RABGAP1L: variants seen among roughly 807,000 people sequenced by gnomAD.
RABGAP1L encodes the protein rab GTPase-activating protein 1-like.
RABGAP1L carries 63 observed loss-of-function variants against 137.7 expected under a neutral mutation model. The ratio of observed to expected loss-of-function variants is 0.46; its 90% confidence interval spans 0.37 to 0.56. The LOEUF (loss-of-function observed/expected upper bound fraction) is 0.56, where lower values mean the gene tolerates loss of function less well. RABGAP1L is among the 20% of genes least tolerant of loss of function. The probability of loss-of-function intolerance (pLI) is 0.00; values close to 1 mark genes in which losing one functional copy is unlikely to be tolerated. For synonymous variants in RABGAP1L, 431 were observed against 433.7 expected (o/e 0.99, Z 0.08); for missense variants, 1,095 against 1,244.0 (o/e 0.88, Z 1.80).
Position 174,616,096 on chromosome 1 carries a change from C to T in RABGAP1L, c.1711-21279C>T, listed in dbSNP as rs980247820. The stretch of plus-strand genomic sequence containing the variant: ...GTGCGCTGCACCCACTGTCCTGTGC[C>T]CACTGTCTGGCACTCCCTAGTGCAT... On this transcript the variant is annotated intron_variant, in intron 13 of 25. Coordinates refer to ENST00000681986, the MANE Select transcript of RABGAP1L (RefSeq NM_001366446.1). Among the ~76,000 whole-genome samples the T allele has an allele frequency of 9.8e-5, 15 of 152,334 alleles. No homozygotes were observed. In the East Asian group the frequency reaches 2.9e-3, roughly 29 times the overall value.
chr1:174,948,127 A>C (rs529146299), intron 19 of RABGAP1L, among the ~76,000 whole-genome samples: 5 of 149,926 alleles, frequency 3.3e-5, no homozygotes, highest in African/African-American at 9.8e-5. Context: ...GTACTTGAAC[A>C]AAAAAAAAAT....
chr1:174,561,841 T>C (rs1049321861), intron 13 of RABGAP1L, among the ~76,000 whole-genome samples: 4 of 152,182 alleles, frequency 2.6e-5, no homozygotes, highest in Non-Finnish European at 4.4e-5. Context: ...TTACACCTTA[T>C]ACAAAAATTA....
At chr1:174,411,392 T>C (rs2149131021) in intron 13 of RABGAP1L, among the ~76,000 whole-genome samples, 1 of 152,270 alleles carries the variant, frequency 6.6e-6, no homozygotes, top group Non-Finnish European at 1.5e-5. Context: ...TCCTGTTATT[T>C]TGAGGTATGT....
At chr1:174,445,960 G>T (rs958575596) in intron 13 of RABGAP1L, among the ~76,000 whole-genome samples, 1 of 152,148 alleles carries the variant, frequency 6.6e-6, no homozygotes, top group Non-Finnish European at 1.5e-5. Flanking sequence ...AAGTCTATAA[G>T]CCTGCATGTG....
At chr1:174,165,494 CT>C (rs36050303) in intron 1 of RABGAP1L, among the ~76,000 whole-genome samples, 2,908 of 139,726 alleles carry the variant, frequency 0.021, 59 homozygotes, top group African/African-American at 0.054. Context: ...ATTTGAACTA[CT>C]TTTTTTTTTT....
intron 14 of RABGAP1L, among the ~76,000 whole-genome samples, chr1:174,683,059 T>G (rs61826958): frequency 5.9e-5 from 3 of 50,802 alleles, no homozygotes; most frequent in East Asian, 1.0e-3. Flanking sequence ...TCTAAAGGGG[T>G]TTTTTTTTTT....
At chr1:174,358,616 G>A (rs1330138220) in intron 11 of RABGAP1L, among the ~76,000 whole-genome samples, 4 of 152,278 alleles carry the variant, frequency 2.6e-5, no homozygotes, top group Non-Finnish European at 5.9e-5. Context: ...TCCTGGTTCT[G>A]TTTTACTTTG....
intron 17 of RABGAP1L, among the ~76,000 whole-genome samples, chr1:174,743,830 A>T (rs769130404): frequency 3.4e-4 from 52 of 152,074 alleles, no homozygotes; most frequent in Non-Finnish European, 6.6e-4. Context: ...CATTCATGTT[A>T]AACTTATCTC....
Position 174,768,658 on chromosome 1 carries a change from T to A in RABGAP1L, c.2211+16304T>A, listed in dbSNP as rs572236913. Among the ~76,000 whole-genome samples, 4 of 152,316 alleles carry A rather than the reference T, an allele frequency of 2.6e-5. No individual in the cohort carries two copies. The South Asian group carries it at 8.3e-4, about 32-fold the overall frequency. On this transcript the variant is annotated intron_variant, in intron 18 of 25. Transcript: ENST00000681986. The stretch of plus-strand genomic sequence containing the variant: ...AACACAAACCCTGGAATCATGCCAA[T>A]GTATAAAACCCTAAGTCAAGGGTCA...
chr1:174,200,247 G>A (rs1272460873), intron 1 of RABGAP1L, among the ~76,000 whole-genome samples: 1 of 152,216 alleles, frequency 6.6e-6, no homozygotes, highest in Non-Finnish European at 1.5e-5. Flanking sequence ...GAGTTCTTGT[G>A]TAGGTGTTAG....
At chr1:174,650,008 A>G (rs1675325568) in intron 14 of RABGAP1L, among the ~76,000 whole-genome samples, 1 of 152,170 alleles carries the variant, frequency 6.6e-6, no homozygotes, top group African/African-American at 2.4e-5. Flanking sequence ...GATACGTCCC[A>G]TCAATACCTA....
chr1:174,292,555 TA>T (rs1193343617), intron 10 of RABGAP1L, among the ~76,000 whole-genome samples: 2 of 152,082 alleles, frequency 1.3e-5, no homozygotes, highest in Admixed American at 1.3e-4. Context: ...CCAATATTTT[TA>T]GATTTTCCTT....
chr1:174,529,475 G>C (rs1004216538), intron 13 of RABGAP1L, among the ~76,000 whole-genome samples: 1 of 152,078 alleles, frequency 6.6e-6, no homozygotes. Context: ...GGTTGTGCTG[G>C]AGTTTTTATG....
At chr1:174,386,028 G>A (rs1686739864) in intron 12 of RABGAP1L, among the ~76,000 whole-genome samples, 1 of 152,196 alleles carries the variant, frequency 6.6e-6, no homozygotes, top group Non-Finnish European at 1.5e-5. Context: ...ATTTGATAGT[G>A]TCAGAGAAAG....
intron 13 of RABGAP1L, among the ~76,000 whole-genome samples, chr1:174,494,944 A>G (rs2149361723): frequency 6.6e-6 from 1 of 152,310 alleles, no homozygotes; most frequent in East Asian, 1.9e-4. Context: ...AGGGATGCTC[A>G]GTTTCTACAG....
chr1:174,843,274 T>C (rs1693631222), intron 19 of RABGAP1L, among the ~76,000 whole-genome samples: 1 of 150,720 alleles, frequency 6.6e-6, no homozygotes, highest in African/African-American at 2.4e-5. Context: ...ATGTGCACAT[T>C]GTGCAGGTTA....
chr1:174,769,484 A>G (rs1001024317), intron 18 of RABGAP1L, among the ~76,000 whole-genome samples: 4 of 152,142 alleles, frequency 2.6e-5, no homozygotes, highest in Non-Finnish European at 4.4e-5. Context: ...ATGGCTGACA[A>G]TCACGTCCAC....
chr1:174,739,604 T>C (rs1272841796), intron 17 of RABGAP1L, among the ~76,000 whole-genome samples: 3 of 152,218 alleles, frequency 2.0e-5, no homozygotes, highest in Non-Finnish European at 2.9e-5. Context: ...ATCTCCTGCC[T>C]CTGTGTGTTA....
At chr1:174,531,232 A>AT (rs5778806) in intron 13 of RABGAP1L, among the ~76,000 whole-genome samples, 53,607 of 151,956 alleles carry the variant, frequency 0.35, 12,093 homozygotes, top group African/African-American at 0.64. Context: ...AGATGGGTTG[A>AT]TTCATATACC....
Sources: allele counts gnomAD v4.1 joint callset (sites outside exome capture counted in the v4.1 genomes callset), GRCh38; gene constraint gnomAD v4.1.1; transcripts MANE v1.5; gene names NCBI Gene and HGNC (gene_info 2026-07-23, HGNC 2026-07-21).